LSAMP: variants seen among roughly 807,000 people sequenced by gnomAD.
LSAMP encodes the protein limbic system associated membrane protein.
In LSAMP, 7 loss-of-function variants were observed where a neutral mutation model predicts 38.6. That is an observed-to-expected ratio of 0.18 (90% CI 0.10 to 0.34). The LOEUF (loss-of-function observed/expected upper bound fraction) is 0.34, where lower values mean the gene tolerates loss of function less well. Among genes scored for constraint, LSAMP ranks in the 10% least tolerant of loss-of-function variants. The pLI, the probability that LSAMP is intolerant of heterozygous loss-of-function variation, is 1.00. For missense variants in LSAMP, 313 were observed against 420.0 expected, an observed-to-expected ratio of 0.75 and a Z score of 2.23; for synonymous variants, 154 against 166.8, an observed-to-expected ratio of 0.92 and a Z score of 0.59.
intron 3 of LSAMP, among the ~76,000 whole-genome samples, chr3:115,988,199 A>T (rs368254511): frequency 1.3e-5 from 2 of 152,084 alleles, no homozygotes; most frequent in South Asian, 2.1e-4. Flanking sequence ...TCACATGCAA[A>T]TTTTCATTAC....
chr3:115,892,733 CA>C (rs1159569145), intron 3 of LSAMP, among the ~76,000 whole-genome samples: 3 of 151,358 alleles, frequency 2.0e-5, no homozygotes, highest in African/African-American at 7.3e-5. Context: ...AAATTATAAA[CA>C]GAGGATATAG....
At chr3:115,936,770 T>C (rs1200094821) in intron 3 of LSAMP, among the ~76,000 whole-genome samples, 2 of 152,176 alleles carry the variant, frequency 1.3e-5, no homozygotes, top group Admixed American at 6.5e-5. Context: ...CTGGGCACAG[T>C]TGTGGGTGCT....
At chr3:116,436,577 A>C (rs1431290091) in intron 1 of LSAMP, among the ~76,000 whole-genome samples, 1 of 152,218 alleles carries the variant, frequency 6.6e-6, no homozygotes, top group Admixed American at 6.5e-5. Context: ...ATGGCCAACA[A>C]ACATATGAAA....
At chr3:115,892,904 C>T (rs1936636530) in intron 3 of LSAMP, among the ~76,000 whole-genome samples, 1 of 151,134 alleles carries the variant, frequency 6.6e-6, no homozygotes, top group African/African-American at 2.4e-5. Context: ...CTTTTTAGGG[C>T]AGAAATCTGT....
At position 116,445,414 on chromosome 3, in the gene LSAMP, C is replaced by T. The variant is rs977528324; in HGVS notation, c.-383G>A. 1 of 446,158 alleles carries T rather than the reference C, an allele frequency of 2.2e-6. No homozygotes were observed. The highest frequency in any genetic ancestry group is 3.9e-6 in the Non-Finnish European group (1 of 255,034). 27.6% of individuals were successfully genotyped at this position (446,158 alleles called of 1,614,324 possible). On this transcript the variant is annotated 5_prime_UTR_variant, in exon 1 of 7. Transcript: ENST00000490035. ...CTCCTTCGCTCTGTAACCCACTTTC[C>T]CAGGCTGGCGGGCGGGCGGGCGAGG...
chr3:116,155,639 ATGTG>A (rs34390923), intron 1 of LSAMP, among the ~76,000 whole-genome samples: 2 of 151,498 alleles, frequency 1.3e-5, no homozygotes, highest in African/African-American at 2.4e-5. Context: ...GTGTGTGTAT[ATGTG>A]TGTGTGTGTG....
intron 3 of LSAMP, among the ~76,000 whole-genome samples, chr3:115,864,701 C>A (rs1355833612): frequency 6.6e-6 from 1 of 152,098 alleles, no homozygotes; most frequent in African/African-American, 2.4e-5. Flanking sequence ...GTCCTCGCAC[C>A]ACCTCCTAAC....
At chr3:115,956,296 C>G (rs1384664302) in intron 3 of LSAMP, among the ~76,000 whole-genome samples, 1 of 150,036 alleles carries the variant, frequency 6.7e-6, no homozygotes, top group Non-Finnish European at 1.5e-5. Flanking sequence ...TCTCGTAGGC[C>G]TCCCATCCAG....
intron 2 of LSAMP, among the ~76,000 whole-genome samples, chr3:116,035,909 T>C (rs1257550739): frequency 6.6e-6 from 1 of 152,330 alleles, no homozygotes; most frequent in East Asian, 1.9e-4. Context: ...AACTGGGCTG[T>C]AGCCAAGAAA....
chr3:115,982,137 G>A (rs147310476), intron 3 of LSAMP, among the ~76,000 whole-genome samples: 3 of 152,290 alleles, frequency 2.0e-5, no homozygotes, highest in African/African-American at 4.8e-5. Flanking sequence ...TTCATTCTAC[G>A]GATAGGGAAA....
chr3:115,857,841 G>C (rs1245086369), intron 3 of LSAMP, among the ~76,000 whole-genome samples: 5 of 152,154 alleles, frequency 3.3e-5, no homozygotes, highest in African/African-American at 1.2e-4. Context: ...GAAGGGCCTA[G>C]AGCTAATGGC....
chr3:116,346,172 C>A (rs866581471), intron 1 of LSAMP, among the ~76,000 whole-genome samples: 1 of 152,068 alleles, frequency 6.6e-6, no homozygotes, highest in African/African-American at 2.4e-5. Context: ...TTGCAAATAA[C>A]CATATCTCCA....
At chr3:116,286,037 A>C (rs1183963872) in intron 1 of LSAMP, among the ~76,000 whole-genome samples, 1 of 152,218 alleles carries the variant, frequency 6.6e-6, no homozygotes, top group Non-Finnish European at 1.5e-5. Context: ...GACAAAACCC[A>C]GAGGACTTAA....
At chr3:116,413,601 T>G (rs2049008289) in intron 1 of LSAMP, among the ~76,000 whole-genome samples, 1 of 152,164 alleles carries the variant, frequency 6.6e-6, no homozygotes, top group South Asian at 2.1e-4. Context: ...GGTACTATAC[T>G]TTAAATTGAA....
At chr3:116,270,314 C>G (rs562279812) in intron 1 of LSAMP, among the ~76,000 whole-genome samples, 1 of 152,076 alleles carries the variant, frequency 6.6e-6, no homozygotes, top group African/African-American at 2.4e-5. Flanking sequence ...CCAGTTAACA[C>G]TCCATTTATC....
At chr3:116,072,990 T>C (rs1707649441) in intron 2 of LSAMP, among the ~76,000 whole-genome samples, 1 of 152,190 alleles carries the variant, frequency 6.6e-6, no homozygotes, top group Non-Finnish European at 1.5e-5. Context: ...TCTGCCTATG[T>C]CCTGAAATGG....
chr3:115,905,423 G>C (rs1272849944), intron 3 of LSAMP, among the ~76,000 whole-genome samples: 1 of 151,942 alleles, frequency 6.6e-6, no homozygotes, highest in African/African-American at 2.4e-5. Context: ...CTTCCTCCCT[G>C]CTGAGTTTCA....
At chr3:116,292,844 G>C (rs1053884903) in intron 1 of LSAMP, among the ~76,000 whole-genome samples, 1 of 152,132 alleles carries the variant, frequency 6.6e-6, no homozygotes, top group Admixed American at 6.5e-5. Flanking sequence ...GTGAACCTAA[G>C]GGCATGTAAG....
intron 6 of LSAMP, among the ~76,000 whole-genome samples, chr3:115,830,678 A>G (rs1390562252): frequency 6.6e-6 from 1 of 152,204 alleles, no homozygotes; most frequent in East Asian, 1.9e-4. Context: ...TAAGGAGCTG[A>G]AAATAAGCTT....
Sources: gnomAD v4.1 joint callset for allele counts (sites outside exome capture counted in the v4.1 genomes callset) on GRCh38, gnomAD v4.1.1 for gene constraint, MANE v1.5 for transcripts, NCBI Gene and HGNC (gene_info 2026-07-23, HGNC 2026-07-21) for gene names.